The following EPS15L1 variants were observed in gnomAD, a reference collection of about 807,000 sequenced individuals.
EPS15L1 encodes epidermal growth factor receptor pathway substrate 15 like 1.
A neutral mutation model predicts 117.1 loss-of-function variants in EPS15L1; 43 were observed. That is an observed-to-expected ratio of 0.37 (90% CI 0.29 to 0.47). EPS15L1 has a LOEUF of 0.47. EPS15L1 is among the 20% of genes least tolerant of loss of function. EPS15L1 has a pLI of 0.99. For synonymous variants in EPS15L1, 459 were observed against 470.5 expected (o/e 0.98, Z 0.32); for missense variants, 981 against 1,164.0 (o/e 0.84, Z 2.29).
At chr19:16,375,383 C>A (rs1015573913) in intron 22 of EPS15L1, among the ~76,000 whole-genome samples, 1 of 151,936 alleles carries the variant, frequency 6.6e-6, no homozygotes, top group African/African-American at 2.4e-5. Flanking sequence ...CGTGCACATA[C>A]ATGCATAAAA....
Position 16,421,456 on chromosome 19 carries a change from C to T in EPS15L1, c.813G>A (p.Val271=). Residue 271 remains valine, a synonymous_variant, in exon 10 of 24, where the codon GTG becomes GTA. Coordinates refer to ENST00000455140, the MANE Select transcript of EPS15L1 (RefSeq NM_001258374.3). ...CAAATCGCATCTTGTCTGCCACGGG[C>T]ACCACCCAGTTCACTGTTGGCTGAA... ...KQTQPTVNWV[V]PVADKMRFDE... is the part of the protein sequence containing the mutation. The T allele has an allele frequency of 6.2e-7, 1 of 1,613,590 alleles. No homozygotes were observed. The highest frequency in any genetic ancestry group is 2.2e-5 in the East Asian group (1 of 44,872).
chr19:16,368,236 T>C lies in EPS15L1; in HGVS notation c.2381-6252A>G, dbSNP rs898967820. ...TGTGGACACACATACACAACCATCATTGATCCTACACAATGGGACACACAC... is the reference window on the plus strand; with the variant it reads ...TGTGGACACACATACACAACCATCACTGATCCTACACAATGGGACACACAC... On this transcript the variant is annotated intron_variant, in intron 22 of 23. Transcript: ENST00000455140. 3.9e-5 allele frequency among the ~76,000 whole-genome samples: 6 copies of C among 152,056 alleles called. No individual in the cohort carries two copies. In the South Asian group the frequency reaches 6.2e-4, roughly 16 times the overall value.
intron 22 of EPS15L1, among the ~76,000 whole-genome samples, chr19:16,375,625 C>T: frequency 6.6e-6 from 1 of 152,264 alleles, no homozygotes; most frequent in Non-Finnish European, 1.5e-5. Context: ...AAGGGAGTCC[C>T]TTTGTTGTTT....
chr19:16,443,715 A>G (rs1362175318), intron 1 of EPS15L1: 1 of 151,706 alleles, frequency 6.6e-6, no homozygotes, highest in Non-Finnish European at 1.5e-5. Flanking sequence ...TGTCTCAAAA[A>G]TAAAAAGAAA....
At chr19:16,377,058 G>A (rs906690667) in intron 22 of EPS15L1, 64 bp downstream of exon 22, 28 of 1,526,266 alleles carry the variant, frequency 1.8e-5, no homozygotes, top group African/African-American at 8.4e-5. Flanking sequence ...TGAGCAGGGA[G>A]GCCCTGGTCC....
chr19:16,425,364 G>A, intron 8 of EPS15L1, 48 bp from the exon 9 acceptor site: 1 of 1,352,712 alleles, frequency 7.4e-7, no homozygotes, highest in Admixed American at 2.0e-5. Flanking sequence ...GCTGGGGCCG[G>A]GACCATCAGG....
At chr19:16,465,663 T>A (rs76359619) in intron 1 of EPS15L1, among the ~76,000 whole-genome samples, 2 of 152,048 alleles carry the variant, frequency 1.3e-5, no homozygotes, top group African/African-American at 4.8e-5. Flanking sequence ...GCGTAGGCAA[T>A]AGAGCAAGAG....
At chr19:16,401,185 AAG>A in intron 16 of EPS15L1, 2 of 985,446 alleles carry the variant, frequency 2.0e-6, no homozygotes, top group Non-Finnish European at 2.4e-6. Flanking sequence ...TATGGGAGGA[AAG>A]AGGGAGGCGG....
At position 16,366,928 on chromosome 19, in the gene EPS15L1, G is replaced by A. The variant is rs537692309; in HGVS notation, c.2381-4944C>T. On this transcript the variant is annotated intron_variant, in intron 22 of 23. Transcript: ENST00000455140. ...AACCACTTCTGCTAACTCCTTAATC[G>A]TTTTTTCCGATTTTGTGAGGTATAG... Among the ~76,000 whole-genome samples the A allele has an allele frequency of 7.9e-5, 12 of 152,056 alleles. No homozygotes were observed. In the East Asian group the frequency reaches 1.9e-3, roughly 24 times the overall value.
In EPS15L1 at chr19:16,425,271, A is replaced by C; in HGVS notation, c.604T>G (p.Ser202Ala). The change falls in exon 9 of 24, where the codon TCC (serine) becomes GCC (alanine). Residue 202 changes from serine (S) to alanine (A), a missense_variant. Ser to Ala is a moderately conservative substitution (Grantham distance 99). Coordinates refer to ENST00000455140, the MANE Select transcript of EPS15L1 (RefSeq NM_001258374.3). ...GGGATGAGGGACGGGGGCAGGGCGG[A>C]GGGCACGGGCTCCTTCTCCAGGGCT... is the stretch of plus-strand genomic sequence containing the variant. Reference protein sequence around the residue: ...YRALEKEPVPSALPPSLIPPS... With the variant: ...YRALEKEPVPAALPPSLIPPS... 1.4e-5 allele frequency: 15 copies of C among 1,075,722 alleles called. No homozygotes were observed. Among genetic ancestry groups the C allele is most frequent in the Non-Finnish European group, 1.9e-5 (14 of 746,996 alleles). The allele number at this position is 1,075,722 out of a possible 1,614,324, so 66.6% of individuals were successfully genotyped here. A position where few individuals can be genotyped will look rare whatever the true frequency, so the allele number is the denominator to read the frequency against.
chr19:16,468,566 G>A (rs945908148), intron 1 of EPS15L1, among the ~76,000 whole-genome samples: 6 of 150,194 alleles, frequency 4.0e-5, no homozygotes, highest in African/African-American at 9.8e-5. Flanking sequence ...GGCTGGTCTC[G>A]AGCTCCTGGC....
At chr19:16,432,953 C>CTGGT (rs1387963689) in intron 7 of EPS15L1, among the ~76,000 whole-genome samples, 1 of 151,796 alleles carries the variant, frequency 6.6e-6, no homozygotes, top group Non-Finnish European at 1.5e-5. Flanking sequence ...TACAGTCACG[C>CTGGT]ACCACCACAC....
At chr19:16,400,813 T>G (rs775386649) in intron 16 of EPS15L1, 40 of 984,866 alleles carry the variant, frequency 4.1e-5, no homozygotes, top group South Asian at 4.7e-5. Context: ...GTCTTTGGAG[T>G]TGGGGGAATC....
chr19:16,417,491 A>G (rs933494145), intron 12 of EPS15L1, 61 bp downstream of exon 12: 20 of 1,396,000 alleles, frequency 1.4e-5, no homozygotes, highest in Non-Finnish European at 1.8e-5. Flanking sequence ...TATTTCCGAT[A>G]ACAACCTGGG....
chr19:16,449,223 A>G (rs1404759808), intron 1 of EPS15L1, among the ~76,000 whole-genome samples: 1 of 152,074 alleles, frequency 6.6e-6, no homozygotes, highest in Non-Finnish European at 1.5e-5. Flanking sequence ...AGCCTGGGCA[A>G]CATAACAAGA....
rs1449086707 is a variant in EPS15L1 at position 16,371,339 on chromosome 19, C to A, written c.2380+5783G>T. On this transcript the variant is annotated intron_variant, in intron 22 of 23. Coordinates refer to ENST00000455140, the MANE Select transcript of EPS15L1 (RefSeq NM_001258374.3). This position sits in a 1 kb window ranked among gnomAD's most constrained non-coding sequence, Gnocchi z 4.7. ...GGCCACCCTGGGTGGATGCCACACA[C>A]AGGTACGGGAGGGGCTTGTTTGCAA... Among the ~76,000 whole-genome samples, 1 of 152,140 alleles carries A rather than the reference C, an allele frequency of 6.6e-6. No individual in the cohort carries two copies. Among genetic ancestry groups the A allele is most frequent in the Non-Finnish European group, 1.5e-5 (1 of 68,024 alleles).
At chr19:16,360,114 G>C (rs1017522316) in intron 23 of EPS15L1, among the ~76,000 whole-genome samples, 1 of 151,254 alleles carries the variant, frequency 6.6e-6, no homozygotes, top group Non-Finnish European at 1.5e-5. Context: ...TGCGGGTTGG[G>C]GTCACAGGAA....
Position 16,437,011 on chromosome 19 carries a change from G to C in EPS15L1, c.310-12C>G, listed in dbSNP as rs201420017. The C allele has an allele frequency of 8.6e-5, 138 of 1,613,098 alleles. 1 individual carries two copies. The Admixed American group carries it at 1.3e-3, about 15-fold the overall frequency. On this transcript the variant is annotated splice_polypyrimidine_tract_variant and intron_variant, in intron 5 of 23. Transcript: ENST00000455140. ...CTGCTGGTGTCGTGCTGAGAAGAGA[G>C]AGAAACATTCCTTTGTGGCTGGCAC...
rs1299512327 is a variant in EPS15L1, at chr19:16,381,357, C to G, written c.2247+3772G>C. 1.3e-5 allele frequency among the ~76,000 whole-genome samples: 2 copies of G among 152,226 alleles called. No homozygotes were observed. The highest frequency in any genetic ancestry group is 2.4e-5 in the African/African-American group (1 of 41,454). On this transcript the variant is annotated intron_variant, in intron 21 of 23. Transcript: ENST00000455140. This position sits in a 1 kb window ranked among gnomAD's most constrained non-coding sequence, Gnocchi z 4.2. ...CCCAGGCTGGGGCCACCAGACGCTG[C>G]CCTCAGCTGCCGAGGGCCACCCCAG...
Sources: gnomAD v4.1 joint callset for allele counts (sites outside exome capture counted in the v4.1 genomes callset) on GRCh38, gnomAD v4.1.1 for gene constraint, Gnocchi (gnomAD v3.1) non-coding constraint, MANE v1.5 for transcripts, NCBI Gene and HGNC (gene_info 2026-07-23, HGNC 2026-07-21) for gene names.